The following SRBD1 variants were observed in gnomAD, a reference collection of about 807,000 sequenced individuals.
SRBD1 encodes S1 RNA-binding domain-containing protein 1.
Under a neutral mutation model 115.3 loss-of-function variants are expected in SRBD1, and 88 were observed. That is an observed-to-expected ratio of 0.76 (90% CI 0.64 to 0.91). SRBD1 has a LOEUF of 0.91. Among genes scored for constraint, SRBD1 ranks in the 40% least tolerant of loss-of-function variants. SRBD1 has a pLI of 0.00. For synonymous variants in SRBD1, 509 were observed against 407.7 expected (o/e 1.25, Z -2.99); for missense variants, 1,385 against 1,177.4 (o/e 1.18, Z -2.58).
chr2:45,436,755 C>T (rs949206297), intron 16 of SRBD1, among the ~76,000 whole-genome samples: 1 of 152,114 alleles, frequency 6.6e-6, no homozygotes, highest in African/African-American at 2.4e-5. Context: ...TCCCTCAAGA[C>T]CTGATGATTA....
chr2:45,598,410 C>T (rs371286574), intron 4 of SRBD1, among the ~76,000 whole-genome samples: 3 of 151,788 alleles, frequency 2.0e-5, no homozygotes, highest in Non-Finnish European at 4.4e-5. Context: ...GCAGGCAGAT[C>T]GAGACCATCC....
chr2:45,425,096 A>G (rs1019390579), intron 16 of SRBD1, among the ~76,000 whole-genome samples: 5 of 152,168 alleles, frequency 3.3e-5, no homozygotes, highest in Non-Finnish European at 5.9e-5. Context: ...TCTCTTTATC[A>G]TTTAATCAAG....
intron 16 of SRBD1, among the ~76,000 whole-genome samples, chr2:45,466,693 T>C (rs1031772603): frequency 3.9e-5 from 6 of 152,204 alleles, no homozygotes; most frequent in Non-Finnish European, 5.9e-5. Flanking sequence ...TCCTATTTCA[T>C]CTTGGTTGTG....
rs569476532 is a variant in SRBD1, at chr2:45,516,640, G to C, written c.1875-28309C>G. The stretch of plus-strand genomic sequence containing the variant: ...TCTGTACTGTTAAAAGTGCTTACAG[G>C]AGTAGATAGTTCCACAAAAACAATA... On this transcript the variant is annotated intron_variant, in intron 14 of 20. Coordinates refer to ENST00000263736, the MANE Select transcript of SRBD1 (RefSeq NM_018079.5). Among the ~76,000 whole-genome samples the C allele has an allele frequency of 2.0e-5, 3 of 152,262 alleles. No individual in the cohort carries two copies. The East Asian group carries it at 5.8e-4, about 29-fold the overall frequency.
At chr2:45,511,960 C>G (rs1451471175) in intron 14 of SRBD1, among the ~76,000 whole-genome samples, 1 of 152,200 alleles carries the variant, frequency 6.6e-6, no homozygotes, top group Non-Finnish European at 1.5e-5. Context: ...AATCTCCTTT[C>G]TAGTTGAAAT....
At chr2:45,558,281 A>G (rs1335377968) in intron 10 of SRBD1, among the ~76,000 whole-genome samples, 1 of 152,192 alleles carries the variant, frequency 6.6e-6, no homozygotes, top group African/African-American at 2.4e-5. Flanking sequence ...CCTGAGCAAC[A>G]TAGTGAGATA....
At chr2:45,483,824 G>A (rs907989322) in intron 15 of SRBD1, among the ~76,000 whole-genome samples, 6 of 151,904 alleles carry the variant, frequency 3.9e-5, no homozygotes, top group East Asian at 1.9e-4. Context: ...TTTAGAAGTC[G>A]ATGCAAATCT....
chr2:45,582,251 T>C (rs941854069), intron 5 of SRBD1, among the ~76,000 whole-genome samples: 2 of 152,228 alleles, frequency 1.3e-5, no homozygotes, highest in African/African-American at 4.8e-5. Context: ...ACTGGACAGT[T>C]ATTTTGTAGA....
At chr2:45,473,141 C>T (rs141609286) in intron 16 of SRBD1, among the ~76,000 whole-genome samples, 2,027 of 151,534 alleles carry the variant, frequency 0.013, 31 homozygotes, top group Non-Finnish European at 0.016. Context: ...TTTTCTCTAC[C>T]TTTGGATGAA....
At chr2:45,508,690 T>C (rs1303283346) in intron 14 of SRBD1, among the ~76,000 whole-genome samples, 2 of 152,246 alleles carry the variant, frequency 1.3e-5, no homozygotes, top group Non-Finnish European at 2.9e-5. Flanking sequence ...TGTGATATGC[T>C]ATGTTGACTT....
intron 14 of SRBD1, among the ~76,000 whole-genome samples, chr2:45,509,164 C>T (rs1002397718): frequency 6.6e-6 from 1 of 152,126 alleles, no homozygotes; most frequent in African/African-American, 2.4e-5. Context: ...AATCATCTAC[C>T]TACCCTAATC....
intron 4 of SRBD1, among the ~76,000 whole-genome samples, chr2:45,587,991 A>C (rs754253902): frequency 1.3e-5 from 2 of 152,068 alleles, no homozygotes; most frequent in Non-Finnish European, 2.9e-5. Flanking sequence ...CTTAAATCCA[A>C]TCCATCTTAA....
At chr2:45,585,204 T>C (rs1558495477) in intron 5 of SRBD1, among the ~76,000 whole-genome samples, 1 of 152,080 alleles carries the variant, frequency 6.6e-6, no homozygotes, top group Non-Finnish European at 1.5e-5. Context: ...CCAAACTCTA[T>C]ACTGCCAAAG....
chr2:45,462,919 T>C (rs1669363779), intron 16 of SRBD1, among the ~76,000 whole-genome samples: 2 of 149,920 alleles, frequency 1.3e-5, no homozygotes, highest in South Asian at 2.1e-4. Flanking sequence ...CGACAACACA[T>C]GCATTTCTGT....
chr2:45,394,621 TCAA>T (rs1307781433), intron 19 of SRBD1, among the ~76,000 whole-genome samples: 1 of 152,200 alleles, frequency 6.6e-6, no homozygotes, highest in Admixed American at 6.5e-5. Context: ...ATTGTTGTGT[TCAA>T]CCAGAAAGGT....
At chr2:45,389,764 G>A (rs1467517359) in intron 20 of SRBD1, among the ~76,000 whole-genome samples, 165 bp from the exon 21 acceptor site, 1 of 152,144 alleles carries the variant, frequency 6.6e-6, no homozygotes, top group East Asian at 1.9e-4. Flanking sequence ...CAGAGAACAT[G>A]CATATCAGTT....
At chr2:45,430,682 A>G (rs994254170) in intron 16 of SRBD1, among the ~76,000 whole-genome samples, 7 of 152,258 alleles carry the variant, frequency 4.6e-5, no homozygotes, top group Admixed American at 2.0e-4. Flanking sequence ...ACCTAAAACC[A>G]TAACAACCCT....
At chr2:45,439,129 C>G (rs1043957424) in intron 16 of SRBD1, among the ~76,000 whole-genome samples, 1 of 151,840 alleles carries the variant, frequency 6.6e-6, no homozygotes, top group Non-Finnish European at 1.5e-5. Context: ...CACTTGTCAA[C>G]CTCAAATTCT....
At chr2:45,603,003 C>T (rs973925724) in intron 2 of SRBD1, among the ~76,000 whole-genome samples, 9 of 152,110 alleles carry the variant, frequency 5.9e-5, no homozygotes, top group African/African-American at 1.9e-4. Flanking sequence ...AAACAAAAAA[C>T]AGGAATAATC....
Sources: gnomAD v4.1 joint callset for allele counts (sites outside exome capture counted in the v4.1 genomes callset) on GRCh38, gnomAD v4.1.1 for gene constraint, MANE v1.5 for transcripts, NCBI Gene and HGNC (gene_info 2026-07-23, HGNC 2026-07-21) for gene names.